The following TMEM164 variants were observed in gnomAD, a reference collection of about 807,000 sequenced individuals.
The protein encoded by TMEM164 is transmembrane protein 164, also known as RP13-360B22.2.
In TMEM164, 4 loss-of-function variants were observed where a neutral mutation model predicts 18.8. The observed-to-expected ratio is 0.21, with a 90% CI of 0.10 to 0.49. The LOEUF is 0.49. TMEM164 is among the 20% of genes least tolerant of loss of function. The pLI is 0.98. For missense variants in TMEM164, 108 were observed against 239.9 expected, an observed-to-expected ratio of 0.45 and a Z score of 3.63; for synonymous variants, 86 against 101.7, an observed-to-expected ratio of 0.85 and a Z score of 0.93.
intron 2 of TMEM164, among the ~76,000 whole-genome samples, chrX:110,014,574 T>C (rs1377283264): frequency 9.1e-6 from 1 of 110,319 alleles, no homozygotes; most frequent in Admixed American, 9.7e-5. Flanking sequence ...CGGGGACCTA[T>C]TGGCTTAATT....
At chrX:110,102,647 C>T (rs2066129278) in intron 3 of TMEM164, among the ~76,000 whole-genome samples, 1 of 112,062 alleles carries the variant, frequency 8.9e-6, no homozygotes, top group Non-Finnish European at 1.9e-5. Context: ...ATATTCTAGG[C>T]ACTACATTGA....
At chrX:110,022,982 T>G (rs1933985404) in intron 2 of TMEM164, among the ~76,000 whole-genome samples, 1 of 112,383 alleles carries the variant, frequency 8.9e-6, no homozygotes, top group African/African-American at 3.2e-5. Flanking sequence ...AGGGCTGGTG[T>G]ATATGGCCTT....
chrX:110,135,205 A>G (rs759078648), intron 4 of TMEM164, among the ~76,000 whole-genome samples: 1 of 110,122 alleles, frequency 9.1e-6, no homozygotes, highest in Non-Finnish European at 1.9e-5. Flanking sequence ...TATACACCCA[A>G]AAATACATAT....
chrX:110,114,123 G>T (rs763461003), intron 4 of TMEM164, among the ~76,000 whole-genome samples: 2 of 111,927 alleles, frequency 1.8e-5, no homozygotes, highest in African/African-American at 6.5e-5. Flanking sequence ...TCTTGACTGA[G>T]ACTTCAGAAT....
At chrX:110,114,456 A>G (rs2066332757) in intron 4 of TMEM164, among the ~76,000 whole-genome samples, 1 of 111,996 alleles carries the variant, frequency 8.9e-6, no homozygotes, top group Non-Finnish European at 1.9e-5. Context: ...TGCAAAGAAT[A>G]TCATCCAATC....
chrX:110,026,833 G>A (rs1173375293), intron 2 of TMEM164, among the ~76,000 whole-genome samples: 1 of 111,574 alleles, frequency 9.0e-6, no homozygotes, highest in Non-Finnish European at 1.9e-5. Flanking sequence ...TTATAATTTT[G>A]TAACTGCTGG....
At chrX:110,041,025 G>A (rs1602517984) in intron 2 of TMEM164, among the ~76,000 whole-genome samples, 1 of 111,537 alleles carries the variant, frequency 9.0e-6, no homozygotes, top group African/African-American at 3.3e-5. Context: ...CCCCTAACCC[G>A]CACTAGCCCA....
At chrX:110,053,721 A>G (rs1430576097) in intron 2 of TMEM164, among the ~76,000 whole-genome samples, 2 of 111,329 alleles carry the variant, frequency 1.8e-5, no homozygotes, top group Admixed American at 1.9e-4. Context: ...AGTTTTCTTG[A>G]CGAGTTTCAA....
At chrX:110,107,404 T>C (rs150317726) in intron 3 of TMEM164, among the ~76,000 whole-genome samples, 8 of 112,497 alleles carry the variant, frequency 7.1e-5, no homozygotes, top group Non-Finnish European at 1.5e-4. Flanking sequence ...AGAAAGTTCA[T>C]GTAAAGCAGT....
At chrX:110,027,099 A>G (rs1276201367) in intron 2 of TMEM164, among the ~76,000 whole-genome samples, 1 of 109,997 alleles carries the variant, frequency 9.1e-6, no homozygotes, top group Admixed American at 9.7e-5. Flanking sequence ...ATGTTGAGCA[A>G]CTCTTATCTT....
chrX:110,080,265 A>T (rs1013087372), intron 3 of TMEM164, among the ~76,000 whole-genome samples: 2 of 112,075 alleles, frequency 1.8e-5, no homozygotes, highest in Non-Finnish European at 1.9e-5. Context: ...TTTGAAATCC[A>T]TGCATAGTTT....
chrX:110,102,356 A>T (rs187559147), intron 3 of TMEM164, among the ~76,000 whole-genome samples: 32 of 110,499 alleles, frequency 2.9e-4, no homozygotes, highest in Non-Finnish European at 5.3e-4. Context: ...TGTTAAAAAA[A>T]TTTTTTTCCT....
At chrX:110,128,449 C>T (rs1384222337) in intron 4 of TMEM164, among the ~76,000 whole-genome samples, 1 of 112,240 alleles carries the variant, frequency 8.9e-6, no homozygotes, top group African/African-American at 3.2e-5. Flanking sequence ...TTTCAGGTCA[C>T]TTTTGAGGTT....
chrX:110,030,120 T>G (rs1934400628), intron 2 of TMEM164, among the ~76,000 whole-genome samples: 2 of 73,637 alleles, frequency 2.7e-5, no homozygotes, highest in Non-Finnish European at 5.2e-5. Context: ...TTTTTTTTTT[T>G]TTTTTTTTTT....
At chrX:110,054,794 A>T (rs1417377111) in intron 2 of TMEM164, among the ~76,000 whole-genome samples, 1 of 111,701 alleles carries the variant, frequency 9.0e-6, no homozygotes, top group African/African-American at 3.3e-5. Flanking sequence ...TTTCTAGTGG[A>T]TTGGGTCACA....
intron 5 of TMEM164, among the ~76,000 whole-genome samples, chrX:110,170,723 T>C (rs975500251): frequency 4.5e-5 from 5 of 112,257 alleles, no homozygotes; most frequent in Non-Finnish European, 7.5e-5. Flanking sequence ...TTCAGTTATT[T>C]GAATAATAAT....
rs139888761 is a variant in TMEM164 at position 110,156,942 on chromosome X, C to T, written c.586+12066C>T. On this transcript the variant is annotated intron_variant, in intron 5 of 6. Coordinates refer to ENST00000372068, the MANE Select transcript of TMEM164 (RefSeq NM_032227.4). Reference sequence around the variant, plus strand: ...AACATAAACATTCAGACCATAGCAGCGAGGAAGATGATTTTACTTGAGTTT... The same window carrying T: ...AACATAAACATTCAGACCATAGCAGTGAGGAAGATGATTTTACTTGAGTTT... Among the ~76,000 whole-genome samples the T allele has an allele frequency of 1.3e-4, 14 of 111,620 alleles. No individual in the cohort carries two copies. The East Asian group carries it at 3.7e-3, about 29-fold the overall frequency.
Position 110,145,050 on chromosome X carries a change from G to T in TMEM164, c.586+174G>T, listed in dbSNP as rs575561329. Among the ~76,000 whole-genome samples the T allele has an allele frequency of 3.6e-5, 4 of 111,116 alleles. No individual in the cohort carries two copies. In the South Asian group the frequency reaches 1.6e-3, roughly 43 times the overall value. Reference sequence around the variant, plus strand: ...AAGTGGGGAGATGGGAATGGACGAGGCCTGCAAGGGGTCTGGGGACTTTTT... The same window carrying T: ...AAGTGGGGAGATGGGAATGGACGAGTCCTGCAAGGGGTCTGGGGACTTTTT... On this transcript the variant is annotated intron_variant, in intron 5 of 6. Transcript: ENST00000372068.
chrX:110,131,684 T>C (rs1265878277), intron 4 of TMEM164, among the ~76,000 whole-genome samples: 5 of 111,830 alleles, frequency 4.5e-5, no homozygotes, highest in African/African-American at 1.6e-4. Context: ...CGGTAGGCTT[T>C]TGAACCATCT....
Sources: gnomAD v4.1 joint callset for allele counts (sites outside exome capture counted in the v4.1 genomes callset) on GRCh38, gnomAD v4.1.1 for gene constraint, MANE v1.5 for transcripts, NCBI Gene and HGNC (gene_info 2026-07-23, HGNC 2026-07-21) for gene names.